Variants in TRPM1 observed in about 807,000 individuals in gnomAD.
The protein encoded by TRPM1 is transient receptor potential cation channel subfamily M member 1.
A neutral mutation model predicts 149.4 loss-of-function variants in TRPM1; 113 were observed. The ratio of observed to expected loss-of-function variants is 0.76; its 90% CI spans 0.65 to 0.88. TRPM1 has a LOEUF of 0.88. Among genes scored for constraint, TRPM1 ranks in the 40% least tolerant of loss-of-function variants. The pLI is 0.00. For missense variants in TRPM1, 1,976 were observed against 2,038.7 expected (o/e 0.97, Z 0.59); for synonymous variants, 741 against 759.5 (o/e 0.98, Z 0.40).
At chr15:31,106,130 CTT>C (rs1035580886), upstream of TRPM1, among the ~76,000 whole-genome samples, 2 of 137,810 alleles carry the variant, frequency 1.5e-5, no homozygotes, top group African/African-American at 5.5e-5. Flanking sequence ...ACAAGTAAAC[CTT>C]TTTCTTTTCT....
chr15:31,017,778 C>T (rs2032416685), intron 27 of TRPM1, among the ~76,000 whole-genome samples: 1 of 152,202 alleles, frequency 6.6e-6, no homozygotes, highest in African/African-American at 2.4e-5. Flanking sequence ...AGGGGTTGTA[C>T]ATAATGTGTT....
chr15:31,089,274 T>A (rs533430663), intron 1 of TRPM1, among the ~76,000 whole-genome samples: 1 of 148,852 alleles, frequency 6.7e-6, no homozygotes, highest in African/African-American at 2.6e-5. Context: ...TTGGCAATGG[T>A]GGGCCAACAT....
intron 20 of TRPM1, among the ~76,000 whole-genome samples, chr15:31,037,444 G>A (rs1192557225): frequency 6.6e-6 from 1 of 152,186 alleles, no homozygotes; most frequent in Admixed American, 6.5e-5. Flanking sequence ...GGCATCAGAA[G>A]AATTCATCTT....
At chr15:31,158,238 G>A (rs905130482) in intron 1 of TRPM1, among the ~76,000 whole-genome samples, 1 of 152,120 alleles carries the variant, frequency 6.6e-6, no homozygotes, top group Admixed American at 6.6e-5. Flanking sequence ...TACAGGACAG[G>A]GGTCCAGATC....
chr15:31,151,765 C>A (rs1025458547), intron 1 of TRPM1, among the ~76,000 whole-genome samples: 6 of 152,258 alleles, frequency 3.9e-5, no homozygotes, highest in African/African-American at 1.4e-4. Flanking sequence ...CTCACATCTC[C>A]CTCACACTGT....
intron 1 of TRPM1, among the ~76,000 whole-genome samples, chr15:31,129,965 G>C (rs2035996728): frequency 1.3e-5 from 2 of 152,210 alleles, no homozygotes; most frequent in South Asian, 2.1e-4. Flanking sequence ...CTGTGATTTG[G>C]AACCAAAGCA....
At chr15:31,066,340 G>A (rs751598554) in intron 6 of TRPM1, 93 bp from the exon 7 acceptor site, 171 of 1,393,060 alleles carry the variant, frequency 1.2e-4, no homozygotes, top group Non-Finnish European at 1.6e-4. Context: ...TGGAGTGACT[G>A]CACTAAAACT....
chr15:31,004,750 A>G (rs1330419705), intron 27 of TRPM1, among the ~76,000 whole-genome samples: 1 of 152,062 alleles, frequency 6.6e-6, no homozygotes, highest in Non-Finnish European at 1.5e-5. Context: ...CAACAGAAGA[A>G]TTTTTCACTA....
intron 27 of TRPM1, among the ~76,000 whole-genome samples, chr15:31,022,459 T>C (rs913735707): frequency 3.3e-5 from 5 of 151,918 alleles, no homozygotes; most frequent in African/African-American, 4.8e-5. Context: ...AGTGAGACCC[T>C]GTTTCTACAA....
intron 1 of TRPM1, among the ~76,000 whole-genome samples, chr15:31,098,765 C>G (rs1353341284): frequency 1.3e-5 from 2 of 151,924 alleles, no homozygotes; most frequent in Non-Finnish European, 2.9e-5. Flanking sequence ...GGAGCAGACA[C>G]AGGATGGATA....
chr15:31,159,067 C>T (rs534350859), intron 1 of TRPM1, among the ~76,000 whole-genome samples: 10 of 152,278 alleles, frequency 6.6e-5, no homozygotes, highest in African/African-American at 2.4e-4. Flanking sequence ...TTGACCCCAC[C>T]ACAGCATGGG....
chr15:31,141,410 G>C (rs1488037483), intron 1 of TRPM1, among the ~76,000 whole-genome samples: 2 of 152,118 alleles, frequency 1.3e-5, no homozygotes, highest in African/African-American at 4.8e-5. Context: ...AGAAGGACAT[G>C]AGGATATACC....
At position 31,047,936 on chromosome 15, in the gene TRPM1, G is replaced by A. The variant is rs1276306533; in HGVS notation, c.1576C>T (p.Leu526=). Residue 526 remains leucine (L), a synonymous_variant, in exon 14 of 28, where the codon CTG becomes TTG. Transcript: ENST00000256552. ...AGATGAAGTGTGTTTGGTGGACCCA[G>A]TCTCTGAAAGAGAAGCATTCATGTG... ...PRLEELYNTR[L]GPPNTLHLLV... 6.2e-7 allele frequency: 1 copy of A among 1,613,712 alleles called. No individual in the cohort carries two copies. The highest frequency in any genetic ancestry group is 8.5e-7 in the Non-Finnish European group (1 of 1,179,700).
At chr15:31,085,298 T>A (rs1195504425) in intron 1 of TRPM1, among the ~76,000 whole-genome samples, 1 of 152,188 alleles carries the variant, frequency 6.6e-6, no homozygotes, top group East Asian at 1.9e-4. Flanking sequence ...ATCACTAATA[T>A]TTTCATTTTC....
intron 1 of TRPM1, among the ~76,000 whole-genome samples, chr15:31,150,266 T>C (rs955627066): frequency 6.6e-6 from 1 of 152,106 alleles, no homozygotes; most frequent in African/African-American, 2.4e-5. Context: ...TGTGGATCTC[T>C]AACGGAGGAC....
At chr15:31,115,476 A>G (rs1403097855) in intron 1 of TRPM1, among the ~76,000 whole-genome samples, 2 of 152,158 alleles carry the variant, frequency 1.3e-5, no homozygotes, top group Non-Finnish European at 2.9e-5. Flanking sequence ...TATAGCTTCT[A>G]GAATCGGAGA....
At chr15:31,103,362 C>G (rs1433171914), upstream of TRPM1, among the ~76,000 whole-genome samples, 1 of 152,158 alleles carries the variant, frequency 6.6e-6, no homozygotes, top group Non-Finnish European at 1.5e-5. Context: ...GAAACAGAGC[C>G]AGTCAGAATT....
At chr15:31,091,149 A>G (rs2035226451) in intron 1 of TRPM1, among the ~76,000 whole-genome samples, 1 of 152,236 alleles carries the variant, frequency 6.6e-6, no homozygotes, top group African/African-American at 2.4e-5. Flanking sequence ...CAATTCCCTC[A>G]TCCATGGCCG....
rs577827897 is a variant in TRPM1 at position 31,061,375 on chromosome 15, G to A, written c.1162+67C>T. 24 of 1,500,332 alleles carry A rather than the reference G, an allele frequency of 1.6e-5. No homozygotes were observed. The African/African-American group carries it at 2.6e-4, about 16-fold the overall frequency. 92.9% of individuals were successfully genotyped at this position (1,500,332 alleles called of 1,614,324 possible). A position where few individuals can be genotyped will look rare whatever the true frequency, so the allele number is the denominator to read the frequency against. ...CAGCAGACATAGTCCATGGGAGGCC[G>A]GGAGGGAAGGATTGCCGGCTAGGCC... On this transcript the variant is annotated intron_variant, in intron 10 of 27. Coordinates refer to ENST00000256552, the MANE Select transcript of TRPM1 (RefSeq NM_001252024.2).
Sources: allele counts gnomAD v4.1 joint callset (sites outside exome capture counted in the v4.1 genomes callset), GRCh38; gene constraint gnomAD v4.1.1; transcripts MANE v1.5; gene names NCBI Gene and HGNC (gene_info 2026-07-23, HGNC 2026-07-21).